Variants in DNAI2 observed in about 807,000 individuals in gnomAD.
DNAI2 encodes dynein, axonemal, intermediate polypeptide 2.
A neutral mutation model predicts 74.7 loss-of-function variants in DNAI2; 63 were observed. The ratio of observed to expected loss-of-function variants is 0.84; its 90% CI spans 0.69 to 1.04. DNAI2 has a LOEUF of 1.04. Among genes scored for constraint, DNAI2 ranks in the 50% least tolerant of loss-of-function variants. The pLI is 0.00. For missense variants in DNAI2, 688 were observed against 803.2 expected (o/e 0.86, Z 1.73); for synonymous variants, 289 against 314.9 (o/e 0.92, Z 0.87).
intron 9 of DNAI2, among the ~76,000 whole-genome samples, chr17:74,307,814 T>TG (rs1194699535): frequency 6.6e-6 from 1 of 152,168 alleles, no homozygotes; most frequent in Admixed American, 6.5e-5. Context: ...TTTCTTTTTT[T>TG]GGGGGGATGA....
intron 2 of DNAI2, among the ~76,000 whole-genome samples, chr17:74,282,705 C>T (rs907445751): frequency 6.6e-6 from 1 of 152,190 alleles, no homozygotes; most frequent in South Asian, 2.1e-4. Context: ...GGGGCCTCCA[C>T]GATAAGAGAA....
chr17:74,276,429 C>T (rs375036015), intron 1 of DNAI2, among the ~76,000 whole-genome samples: 21 of 152,286 alleles, frequency 1.4e-4, no homozygotes, highest in African/African-American at 5.1e-4. Context: ...CTCCCGTCCC[C>T]GCTCTGTCAC....
intron 13 of DNAI2, 148 bp from the exon 14 acceptor site, chr17:74,314,441 G>T: frequency 1.2e-6 from 1 of 827,358 alleles, no homozygotes; most frequent in Non-Finnish European, 1.8e-6. Flanking sequence ...GAAGGGGCGG[G>T]GCTTGTCCCG....
rs1215963234 is a variant in DNAI2, at chr17:74,280,906, G to A, written c.-11-901G>A. Among the ~76,000 whole-genome samples the A allele has an allele frequency of 2.6e-5, 4 of 151,770 alleles. No individual in the cohort carries two copies. The East Asian group carries it at 5.9e-4, about 22-fold the overall frequency. ...GTTCAAGACCAGCCTGGGTAAAATG[G>A]CGAGACCCCATCTCTACAAAACAAT... On this transcript the variant is annotated intron_variant, in intron 1 of 13. Coordinates refer to ENST00000311014, the MANE Select transcript of DNAI2 (RefSeq NM_023036.6).
intron 8 of DNAI2, among the ~76,000 whole-genome samples, chr17:74,301,850 AGAAGGAAGGAAAGAAG>A (rs2052791906): frequency 1.6e-5 from 2 of 126,254 alleles, no homozygotes; most frequent in Non-Finnish European, 3.4e-5. Flanking sequence ...AGAAAAGGAA[AGAAGGAAGGAAAGAAG>A]GAAGGAAGGA....
At chr17:74,307,806 T>C (rs531121906) in intron 9 of DNAI2, among the ~76,000 whole-genome samples, 1 of 152,268 alleles carries the variant, frequency 6.6e-6, no homozygotes, top group East Asian at 1.9e-4. Context: ...TCCAGATGTT[T>C]CTTTTTTTGG....
At chr17:74,275,786 A>G (rs2051036204) in intron 1 of DNAI2, among the ~76,000 whole-genome samples, 2 of 151,852 alleles carry the variant, frequency 1.3e-5, no homozygotes, top group Non-Finnish European at 2.9e-5. Context: ...GCTACTCAGG[A>G]GACTGAGGCA....
chr17:74,314,801 G>A lies in DNAI2; in HGVS notation c.*268G>A, dbSNP rs747260853. 5.9e-5 allele frequency: 10 copies of A among 170,320 alleles called. No homozygotes were observed. The highest frequency in any genetic ancestry group is 1.0e-4 in the Non-Finnish European group (8 of 76,768). 10.6% of individuals were successfully genotyped at this position (170,320 alleles called of 1,614,324 possible). ...TCCAAGTATGTGGGAGGGGACGGGC[G>A]GGACGAGCTTGGCTGTTCTGCTGCA... On this transcript the variant is annotated 3_prime_UTR_variant, in exon 14 of 14. Coordinates refer to ENST00000311014, the MANE Select transcript of DNAI2 (RefSeq NM_023036.6).
intron 6 of DNAI2, among the ~76,000 whole-genome samples, chr17:74,298,866 CT>C (rs1324898517): frequency 6.6e-6 from 1 of 152,124 alleles, no homozygotes; most frequent in African/African-American, 2.4e-5. Flanking sequence ...TCAAGCAATC[CT>C]TTTGCCTCGG....
intron 1 of DNAI2, among the ~76,000 whole-genome samples, chr17:74,277,699 G>A (rs1453988789): frequency 1.3e-5 from 2 of 152,210 alleles, no homozygotes; most frequent in Non-Finnish European, 2.9e-5. Context: ...GAGAGGGTAG[G>A]TAAGACACAG....
At chr17:74,284,905 G>T (rs2051616926) in intron 2 of DNAI2, 135 bp from the exon 3 acceptor site, 1 of 1,152,402 alleles carries the variant, frequency 8.7e-7, no homozygotes, top group Non-Finnish European at 1.3e-6. Flanking sequence ...GCCTGCATTT[G>T]AAAATACTGT....
At chr17:74,274,447 C>T (rs2050942168) in intron 1 of DNAI2, 102 bp downstream of exon 1, 2 of 152,186 alleles carry the variant, frequency 1.3e-5, no homozygotes, top group South Asian at 4.2e-4. Context: ...GCCAAACATT[C>T]CTCTTGGGGG....
chr17:74,288,835 G>A (rs1295070678), intron 4 of DNAI2, among the ~76,000 whole-genome samples: 2 of 152,184 alleles, frequency 1.3e-5, no homozygotes, highest in African/African-American at 4.8e-5. Flanking sequence ...GATGAGTGGA[G>A]ATGAGCAGGA....
In DNAI2 at chr17:74,281,944, G is replaced by C; in HGVS notation, c.127G>C (p.Glu43Gln). The change falls in exon 2 of 14, where the codon GAG (glutamate) becomes CAG (glutamine). Residue 43 changes from glutamate to glutamine, a missense_variant. Physicochemically the swap from Glu to Gln is conservative, Grantham distance 29. Transcript: ENST00000311014. ...CCCTGAGCTGGCCGAGCAGTTCGTG[G>C]AGCGGAACCCAGTGGACACGGGCAT... ...PNPELAEQFV[E>Q]RNPVDTGIQC... The C allele has an allele frequency of 6.2e-7, 1 of 1,614,168 alleles. No individual in the cohort carries two copies. Among genetic ancestry groups the C allele is most frequent in the Non-Finnish European group, 8.5e-7 (1 of 1,180,042 alleles).
At position 74,311,851 on chromosome 17, in the gene DNAI2, C is replaced by A. The variant is rs61351092; in HGVS notation, c.1495-152C>A. The stretch of plus-strand genomic sequence containing the variant: ...CAACCCCAATATTCAGCCCTCCTTC[C>A]TTGACACCAGCCCTGGGTACAGACC... On this transcript the variant is annotated intron_variant, in intron 11 of 13. Transcript: ENST00000311014. 0.047 allele frequency: 35,700 copies of A among 764,364 alleles called. 1,651 individuals are homozygous for A. Among genetic ancestry groups the A allele is most frequent in the African/African-American group, 0.17 (10,110 of 58,102 alleles). The allele number at this position is 764,364 out of a possible 1,614,324, so 47.3% of individuals were successfully genotyped here.
At position 74,309,232 on chromosome 17, in the gene DNAI2, GAT is replaced by G. The variant is rs2053363197; in HGVS notation, c.1212-20_1212-19del. 6.2e-7 allele frequency: 1 copy of G among 1,613,600 alleles called. No homozygotes were observed. The highest frequency in any genetic ancestry group is 1.3e-5 in the African/African-American group (1 of 74,878). Reference sequence around the variant, plus strand: ...CAGAAGCCTCTGTCCCTCCAACCATGATGTGGTCTACCTCCCACAGGTACCAC... The same window carrying G: ...CAGAAGCCTCTGTCCCTCCAACCATGGTGGTCTACCTCCCACAGGTACCAC... On this transcript the variant is annotated intron_variant, in intron 9 of 13. Coordinates refer to ENST00000311014, the MANE Select transcript of DNAI2 (RefSeq NM_023036.6).
At position 74,287,103 on chromosome 17, in the gene DNAI2, C is replaced by T. The variant is rs529401265; in HGVS notation, c.467+5C>T. 18 of 1,613,656 alleles carry T rather than the reference C, an allele frequency of 1.1e-5. No individual in the cohort carries two copies. The highest frequency in any genetic ancestry group is 8.3e-5 in the Admixed American group (5 of 59,984). ...TAAAACCATCAATGTGTTCAGGTAG[C>T]GCCATAGCCAGGCAGGTGTCTGGCC... On this transcript the variant is annotated splice_donor_5th_base_variant and intron_variant, in intron 4 of 13. Coordinates refer to ENST00000311014, the MANE Select transcript of DNAI2 (RefSeq NM_023036.6).
At chr17:74,278,355 G>A (rs2051208176) in intron 1 of DNAI2, among the ~76,000 whole-genome samples, 1 of 152,152 alleles carries the variant, frequency 6.6e-6, no homozygotes. Flanking sequence ...GCTTGAGCCT[G>A]GGAGGTTGAG....
intron 8 of DNAI2, among the ~76,000 whole-genome samples, chr17:74,302,304 A>G (rs2052903148): frequency 6.6e-6 from 1 of 152,190 alleles, no homozygotes; most frequent in African/African-American, 2.4e-5. Flanking sequence ...ACGGTGGCTC[A>G]CACCTGTAAT....
Sources: gnomAD v4.1 joint callset for allele counts (sites outside exome capture counted in the v4.1 genomes callset) on GRCh38, gnomAD v4.1.1 for gene constraint, MANE v1.5 for transcripts, NCBI Gene and HGNC (gene_info 2026-07-23, HGNC 2026-07-21) for gene names.